Variants in IPO11 observed in about 807,000 individuals in gnomAD.
IPO11 encodes importin-11.
IPO11 carries 66 observed loss-of-function variants against 143.2 expected under a neutral mutation model. The observed-to-expected ratio is 0.46, with a 90% CI of 0.38 to 0.57. The LOEUF (loss-of-function observed/expected upper bound fraction) is 0.57. Ranked by LOEUF, IPO11 falls within the 20% of genes least tolerant of loss-of-function variation. IPO11 has a pLI of 0.00. For missense variants in IPO11, 1,026 were observed against 1,141.0 expected, an observed-to-expected ratio of 0.90 and a Z score of 1.45; for synonymous variants, 385 against 377.8, an observed-to-expected ratio of 1.02 and a Z score of -0.22.
intron 16 of IPO11, among the ~76,000 whole-genome samples, chr5:62,498,550 C>T (rs953883436): frequency 1.3e-5 from 2 of 152,160 alleles, no homozygotes; most frequent in Non-Finnish European, 2.9e-5. Flanking sequence ...TGTAGGGTTT[C>T]TGAACTAATT....
intron 1 of IPO11, among the ~76,000 whole-genome samples, chr5:62,435,074 A>ATATATATGTG (rs1344032263): frequency 0.01 from 1,048 of 103,240 alleles, 89 homozygotes; most frequent in African/African-American, 0.038. Flanking sequence ...ATATATATGT[A>ATATATATGTG]TATATATGTG....
At chr5:62,438,693 A>T (rs1177748274) in intron 2 of IPO11, among the ~76,000 whole-genome samples, 2 of 151,792 alleles carry the variant, frequency 1.3e-5, no homozygotes, top group Non-Finnish European at 2.9e-5. Flanking sequence ...CGGAGGTTGC[A>T]GTGAGCTGAG....
rs1361841661 is a variant in IPO11 at position 62,443,007 on chromosome 5, G to A, written c.163G>A (p.Asp55Asn). The A allele has an allele frequency of 6.2e-7, 1 of 1,606,642 alleles. No individual in the cohort carries two copies. The highest frequency in any genetic ancestry group is 2.2e-5 in the East Asian group (1 of 44,674). Reference protein sequence around the residue: ...LLNIFTNHTLDINVRWLAVLY... With the variant: ...LLNIFTNHTLNINVRWLAVLY... Reference sequence around the variant, plus strand: ...GAATATTTTCACCAACCACACTTTGGATATAAATGTAAGGTGGCTTGCTGT... The same window carrying A: ...GAATATTTTCACCAACCACACTTTGAATATAAATGTAAGGTGGCTTGCTGT... Residue 55 changes from aspartate to asparagine, a missense_variant, in exon 3 of 30, where the codon GAT (aspartate) becomes AAT (asparagine). By Grantham distance (23) the Asp-to-Asn change is conservative. This residue lies in a region of IPO11 where 429 missense variants were observed against 456.3 expected (regional missense o/e 0.94). Coordinates refer to ENST00000325324, the MANE Select transcript of IPO11 (RefSeq NM_016338.5).
intron 6 of IPO11, among the ~76,000 whole-genome samples, chr5:62,467,600 A>C (rs980530406): frequency 1.3e-5 from 2 of 152,148 alleles, no homozygotes; most frequent in African/African-American, 4.8e-5. Flanking sequence ...TGTCATGCCA[A>C]CTTTCCTAAA....
At chr5:62,599,816 T>C (rs148281481) in intron 28 of IPO11, among the ~76,000 whole-genome samples, 3 of 152,350 alleles carry the variant, frequency 2.0e-5, no homozygotes, top group African/African-American at 7.2e-5. Context: ...TTATTAGAAA[T>C]CTGTTAATTC....
chr5:62,429,305 A>G (rs1332793600), intron 1 of IPO11, among the ~76,000 whole-genome samples: 1 of 152,116 alleles, frequency 6.6e-6, no homozygotes, highest in African/African-American at 2.4e-5. Context: ...GCTTAGTGTG[A>G]TGTTTTCAAG....
intron 27 of IPO11, among the ~76,000 whole-genome samples, chr5:62,572,545 G>GTTTGTTTGTTTATTTA (rs375958074): frequency 1.3e-4 from 11 of 86,046 alleles, no homozygotes; most frequent in African/African-American, 3.3e-4. Flanking sequence ...ATATTTGTTT[G>GTTTGTTTGTTTATTTA]TTTATTTATT....
chr5:62,583,308 C>G (rs1744638710), intron 27 of IPO11, among the ~76,000 whole-genome samples: 1 of 152,144 alleles, frequency 6.6e-6, no homozygotes, highest in South Asian at 2.1e-4. Flanking sequence ...TGCCTCCCTT[C>G]CTTACCACCT....
chr5:62,527,601 TTA>T (rs1159895215), intron 21 of IPO11, among the ~76,000 whole-genome samples: 2 of 152,192 alleles, frequency 1.3e-5, no homozygotes, highest in African/African-American at 4.8e-5. Flanking sequence ...AGACTCAGAA[TTA>T]TCAGTATTAC....
intron 27 of IPO11, among the ~76,000 whole-genome samples, chr5:62,578,515 G>C (rs1744407571): frequency 6.6e-6 from 1 of 151,936 alleles, no homozygotes; most frequent in African/African-American, 2.4e-5. Flanking sequence ...AGAGTCTGTT[G>C]ATTGATATTT....
At chr5:62,592,633 A>G (rs1416064816) in intron 28 of IPO11, among the ~76,000 whole-genome samples, 1 of 152,178 alleles carries the variant, frequency 6.6e-6, no homozygotes, top group Non-Finnish European at 1.5e-5. Context: ...TAAAGGAAAG[A>G]GGTTTAATTT....
At chr5:62,584,056 C>A (rs1248401052) in intron 27 of IPO11, among the ~76,000 whole-genome samples, 1 of 151,986 alleles carries the variant, frequency 6.6e-6, no homozygotes, top group African/African-American at 2.4e-5. Context: ...AATTTGTTTT[C>A]CCCTCATAAC....
At chr5:62,502,642 A>G (rs1221873390) in intron 16 of IPO11, among the ~76,000 whole-genome samples, 2 of 152,094 alleles carry the variant, frequency 1.3e-5, no homozygotes, top group East Asian at 3.9e-4. Flanking sequence ...TAGGAAGGAA[A>G]ACATTGTTTT....
Position 62,548,978 on chromosome 5 carries a change from T to G in IPO11, c.2251-1389T>G, listed in dbSNP as rs188534723. ...TAATAATGGGCAGGTGGTCTTACTTTCTACTCACAGATAAATACTGTCTGG... is the reference window on the plus strand; with the variant it reads ...TAATAATGGGCAGGTGGTCTTACTTGCTACTCACAGATAAATACTGTCTGG... On this transcript the variant is annotated intron_variant, in intron 24 of 29. Transcript: ENST00000325324. Among the ~76,000 whole-genome samples the G allele has an allele frequency of 3.2e-3, 488 of 152,292 alleles. 3 individuals carry two copies. Among genetic ancestry groups the G allele is most frequent in the South Asian group, 0.021 (101 of 4,826 alleles).
rs528655458 is a variant in IPO11 at position 62,613,651 on chromosome 5, G to A, written c.2763+11803G>A. On this transcript the variant is annotated intron_variant, in intron 29 of 29. Coordinates refer to ENST00000325324, the MANE Select transcript of IPO11 (RefSeq NM_016338.5). ...ATTTTGACATTCTTCCTTATTGGCAGGTTGGGTCTATATTCCTTCCCTTTG... is the reference window on the plus strand; with the variant it reads ...ATTTTGACATTCTTCCTTATTGGCAAGTTGGGTCTATATTCCTTCCCTTTG... Among the ~76,000 whole-genome samples, 19 of 152,178 alleles carry A rather than the reference G, an allele frequency of 1.2e-4. No individual in the cohort carries two copies. In the South Asian group the frequency reaches 3.9e-3, roughly 32 times the overall value.
chr5:62,481,499 C>A (rs1015098941), intron 9 of IPO11, among the ~76,000 whole-genome samples: 1 of 152,088 alleles, frequency 6.6e-6, no homozygotes, highest in Admixed American at 6.6e-5. Context: ...AAGGCCTTTT[C>A]TGCATCTATT....
At chr5:62,516,574 A>G (rs190402023) in intron 20 of IPO11, among the ~76,000 whole-genome samples, 44 of 152,254 alleles carry the variant, frequency 2.9e-4, no homozygotes, top group Non-Finnish European at 4.7e-4. Context: ...GATTACAGGC[A>G]TGAGCCACCA....
intron 26 of IPO11, among the ~76,000 whole-genome samples, chr5:62,554,380 T>G (rs923703635): frequency 6.6e-6 from 1 of 152,172 alleles, no homozygotes; most frequent in Non-Finnish European, 1.5e-5. Context: ...GTTTTCCTTA[T>G]GTTTTCTTCT....
rs543368795 is a variant in IPO11 at position 62,419,743 on chromosome 5, C to A, written c.-7+6814C>A. ...GCTTGGTGGCTCACTTCTGTAATCC[C>A]AGGGTTTAGGGAAGCTGAGGTGGGA... is the stretch of plus-strand genomic sequence containing the variant. On this transcript the variant is annotated intron_variant, in intron 1 of 29. Coordinates refer to ENST00000325324, the MANE Select transcript of IPO11 (RefSeq NM_016338.5). Among the ~76,000 whole-genome samples the A allele has an allele frequency of 3.3e-5, 5 of 151,672 alleles. No homozygotes were observed. The East Asian group carries it at 9.7e-4, about 29-fold the overall frequency.
Sources: allele counts gnomAD v4.1 joint callset (sites outside exome capture counted in the v4.1 genomes callset), GRCh38; gene constraint gnomAD v4.1.1; regional missense constraint gnomAD v4.1.1; transcripts MANE v1.5; gene names NCBI Gene and HGNC (gene_info 2026-07-23, HGNC 2026-07-21).